Variants in NRIP1 observed in about 807,000 individuals in gnomAD.
NRIP1 encodes nuclear receptor interacting protein 1, also known as nuclear receptor-interacting protein 1.
NRIP1 carries 28 observed loss-of-function variants against 75.0 expected under a neutral mutation model. That is an observed-to-expected ratio of 0.37 (90% CI 0.28 to 0.51). The LOEUF (loss-of-function observed/expected upper bound fraction) is 0.51, where lower values mean the gene tolerates loss of function less well. Ranked by LOEUF, NRIP1 falls within the 20% of genes least tolerant of loss-of-function variation. NRIP1 has a pLI of 0.92. For missense variants in NRIP1, 1,435 were observed against 1,343.7 expected, an observed-to-expected ratio of 1.07 and a Z score of -1.06; for synonymous variants, 526 against 487.6, an observed-to-expected ratio of 1.08 and a Z score of -1.04.
rs1201325553 is a variant in NRIP1, at chr21:15,014,466, T to C, written c.-457A>G. ...CTGTCCTCCTTCAGTCAAGTGTGCA[T>C]CTTAACAAGAGGGAAAAGATAGTTT... On this transcript the variant is annotated splice_region_variant and 5_prime_UTR_variant, in exon 3 of 4. An upstream start codon of the reference 5' UTR is lost. Transcript: ENST00000318948. 5.0e-6 allele frequency: 2 copies of C among 398,286 alleles called. No individual in the cohort carries two copies. The highest frequency in any genetic ancestry group is 1.3e-4 in the South Asian group (1 of 7,858). 24.7% of individuals were successfully genotyped at this position (398,286 alleles called of 1,614,324 possible).
intron 3 of NRIP1, among the ~76,000 whole-genome samples, chr21:14,982,723 T>G (rs1000591790): frequency 7.7e-6 from 1 of 130,678 alleles, no homozygotes; most frequent in Non-Finnish European, 1.7e-5. Flanking sequence ...TTTTTTGTTT[T>G]TTTTTTTTAC....
chr21:14,964,645 CTTAT>C lies in NRIP1; in HGVS notation c.*67_*70del. The C allele has an allele frequency of 1.7e-6, 2 of 1,144,696 alleles. No homozygotes were observed. The highest frequency in any genetic ancestry group is 2.4e-6 in the Non-Finnish European group (2 of 834,440). 70.9% of individuals were successfully genotyped at this position (1,144,696 alleles called of 1,614,324 possible). ...ACCATGCTTTTTTTCAAATCATGCT[CTTAT>C]TTATACAGATCTCAAGTTCATACTC... is the stretch of plus-strand genomic sequence containing the variant. On this transcript the variant is annotated 3_prime_UTR_variant, in exon 4 of 4. Coordinates refer to ENST00000318948, the MANE Select transcript of NRIP1 (RefSeq NM_003489.4).
chr21:14,977,736 T>C (rs2087113291), intron 3 of NRIP1, among the ~76,000 whole-genome samples: 1 of 152,216 alleles, frequency 6.6e-6, no homozygotes, highest in Non-Finnish European at 1.5e-5. Flanking sequence ...AAAATTAATA[T>C]ATGTCTTTTA....
At chr21:15,046,933 G>C (rs1443138743) in intron 1 of NRIP1, among the ~76,000 whole-genome samples, 1 of 152,176 alleles carries the variant, frequency 6.6e-6, no homozygotes, top group Admixed American at 6.5e-5. Context: ...TGGAATTAGA[G>C]TGAGGCGCTG....
At chr21:15,051,069 C>T (rs1298033943) in intron 1 of NRIP1, 2 of 370,486 alleles carry the variant, frequency 5.4e-6, no homozygotes, top group South Asian at 2.0e-5. Flanking sequence ...CCCACAGATA[C>T]TCCAGAAACG....
intron 3 of NRIP1, among the ~76,000 whole-genome samples, chr21:14,981,960 C>A (rs1474547): frequency 6.6e-6 from 1 of 151,402 alleles, no homozygotes; most frequent in Non-Finnish European, 1.5e-5. Context: ...TCAAGCGATC[C>A]TCCTACCTCA....
chr21:15,049,583 TATA>T (rs753107097), intron 1 of NRIP1, among the ~76,000 whole-genome samples: 1 of 152,122 alleles, frequency 6.6e-6, no homozygotes, highest in Non-Finnish European at 1.5e-5. Flanking sequence ...TTTAAATGTT[TATA>T]ATATTAGTAC....
intron 3 of NRIP1, among the ~76,000 whole-genome samples, chr21:14,969,986 G>A (rs185179977): frequency 1.3e-5 from 2 of 152,240 alleles, no homozygotes. Flanking sequence ...TAATGATATA[G>A]AAATGAAATG....
At position 14,974,917 on chromosome 21, in the gene NRIP1, G is replaced by A. The variant is rs147557313; in HGVS notation, c.-334-6391C>T. Among the ~76,000 whole-genome samples, 384 of 152,070 alleles carry A rather than the reference G, an allele frequency of 2.5e-3. 2 individuals carry two copies. The highest frequency in any genetic ancestry group is 8.3e-3 in the African/African-American group (345 of 41,472). On this transcript the variant is annotated intron_variant, in intron 3 of 3. Coordinates refer to ENST00000318948, the MANE Select transcript of NRIP1 (RefSeq NM_003489.4). ...GAGCCCAGGAGTTCGAGACCAGCCTGGGCAACATGGCGAGACCCCATCTTT... is the reference window on the plus strand; with the variant it reads ...GAGCCCAGGAGTTCGAGACCAGCCTAGGCAACATGGCGAGACCCCATCTTT...
intron 3 of NRIP1, among the ~76,000 whole-genome samples, chr21:14,988,499 A>ATGTGTG (rs368052539): frequency 4.6e-5 from 6 of 131,444 alleles, no homozygotes; most frequent in South Asian, 4.7e-4. Flanking sequence ...GTATATATAT[A>ATGTGTG]TGTGTGTGTG....
chr21:15,017,279 A>G (rs2088258048), intron 2 of NRIP1, among the ~76,000 whole-genome samples: 1 of 152,122 alleles, frequency 6.6e-6, no homozygotes, highest in African/African-American at 2.4e-5. Context: ...GCTGGTCTCA[A>G]ACTCCTGGGT....
At chr21:15,011,072 A>G (rs1014940750) in intron 3 of NRIP1, among the ~76,000 whole-genome samples, 4 of 152,204 alleles carry the variant, frequency 2.6e-5, no homozygotes, top group African/African-American at 9.6e-5. Context: ...TTTTACAAAG[A>G]GTTATTTCTT....
intron 3 of NRIP1, among the ~76,000 whole-genome samples, chr21:15,010,901 T>C (rs1393658505): frequency 6.6e-6 from 1 of 152,126 alleles, no homozygotes; most frequent in Non-Finnish European, 1.5e-5. Flanking sequence ...ACAGATTTTC[T>C]TACCAGGGTT....
At chr21:15,019,662 AT>A in intron 2 of NRIP1, among the ~76,000 whole-genome samples, 1 of 151,186 alleles carries the variant, frequency 6.6e-6, no homozygotes, top group East Asian at 2.0e-4. Flanking sequence ...CTAATTTTGT[AT>A]TTTTAGTAGA....
chr21:15,034,084 C>T (rs2088776228), intron 2 of NRIP1, among the ~76,000 whole-genome samples: 2 of 152,196 alleles, frequency 1.3e-5, no homozygotes, highest in South Asian at 4.1e-4. Context: ...AAATCCCTTG[C>T]TTTTGTTACT....
At chr21:15,004,707 AT>A (rs1284354150) in intron 3 of NRIP1, among the ~76,000 whole-genome samples, 4 of 152,102 alleles carry the variant, frequency 2.6e-5, no homozygotes, top group East Asian at 1.9e-4. Context: ...ACTAAGATTA[AT>A]TTTTTTTCCA....
chr21:15,050,828 G>A (rs949202098), intron 1 of NRIP1: 6 of 455,888 alleles, frequency 1.3e-5, no homozygotes, highest in Non-Finnish European at 2.2e-5. Flanking sequence ...AATCCACAGC[G>A]ATACCTCCTC....
intron 3 of NRIP1, among the ~76,000 whole-genome samples, chr21:14,971,074 A>G (rs1048499239): frequency 3.3e-5 from 5 of 152,206 alleles, no homozygotes; most frequent in Non-Finnish European, 5.9e-5. Context: ...TTTTTTGGCA[A>G]TCAGCTTTCT....
intron 1 of NRIP1, among the ~76,000 whole-genome samples, chr21:15,061,491 G>A (rs2089422497): frequency 1.3e-5 from 2 of 152,198 alleles, no homozygotes; most frequent in East Asian, 1.9e-4. Flanking sequence ...AAGGGAGGGA[G>A]GGAAATGGTA....
Sources: allele counts gnomAD v4.1 joint callset (sites outside exome capture counted in the v4.1 genomes callset), GRCh38; gene constraint gnomAD v4.1.1; transcripts MANE v1.5; gene names NCBI Gene and HGNC (gene_info 2026-07-23, HGNC 2026-07-21).